PRKCE: variants seen among roughly 807,000 people sequenced by gnomAD.
PRKCE encodes the protein protein kinase C epsilon type.
A neutral mutation model predicts 85.4 loss-of-function variants in PRKCE; 16 were observed. That is an observed-to-expected ratio of 0.19 (90% CI 0.13 to 0.28). The LOEUF is 0.28. Among genes scored for constraint, PRKCE ranks in the 10% least tolerant of loss-of-function variants. The pLI is 1.00. For missense variants in PRKCE, 573 were observed against 975.2 expected, an observed-to-expected ratio of 0.59 and a Z score of 5.49; for synonymous variants, 388 against 371.5, an observed-to-expected ratio of 1.04 and a Z score of -0.51.
At chr2:46,050,496 T>G (rs1574333913) in intron 10 of PRKCE, among the ~76,000 whole-genome samples, 1 of 152,218 alleles carries the variant, frequency 6.6e-6, no homozygotes, top group Admixed American at 6.5e-5. Flanking sequence ...TCTTTTGGCT[T>G]CCTTTCCTGC....
intron 10 of PRKCE, among the ~76,000 whole-genome samples, chr2:46,031,744 G>T (rs1419975538): frequency 1.2e-4 from 19 of 152,002 alleles, no homozygotes; most frequent in Non-Finnish European, 1.3e-4. Flanking sequence ...GTCATTTCTG[G>T]AACTAAAATC....
intron 2 of PRKCE, among the ~76,000 whole-genome samples, chr2:45,911,792 T>C (rs1180083768): frequency 1.3e-5 from 2 of 152,168 alleles, no homozygotes; most frequent in Non-Finnish European, 2.9e-5. Context: ...TTATTTTACC[T>C]TCTCTAGGCT....
chr2:45,944,594 T>TA (rs1288319179), intron 2 of PRKCE, among the ~76,000 whole-genome samples: 1 of 149,616 alleles, frequency 6.7e-6, no homozygotes, highest in African/African-American at 2.5e-5. Flanking sequence ...GCTCGAATGA[T>TA]ACTCCCGCCT....
intron 9 of PRKCE, among the ~76,000 whole-genome samples, chr2:46,009,966 T>C (rs1705521052): frequency 1.3e-5 from 2 of 152,250 alleles, no homozygotes; most frequent in African/African-American, 4.8e-5. Context: ...ATTCAACAGA[T>C]GTGCATTGAA....
intron 1 of PRKCE, among the ~76,000 whole-genome samples, chr2:45,654,121 C>T (rs1265529599): frequency 6.6e-6 from 1 of 152,188 alleles, no homozygotes; most frequent in East Asian, 1.9e-4. Context: ...GAGATGGGAG[C>T]CTTTTGCAGT....
chr2:45,657,404 C>T (rs1211352395), intron 1 of PRKCE, among the ~76,000 whole-genome samples: 6 of 152,080 alleles, frequency 3.9e-5, no homozygotes, highest in African/African-American at 1.4e-4. Flanking sequence ...AATAAATATA[C>T]CTCCCTATAA....
At chr2:46,036,303 G>A (rs1399438930) in intron 10 of PRKCE, among the ~76,000 whole-genome samples, 6 of 152,218 alleles carry the variant, frequency 3.9e-5, no homozygotes, top group African/African-American at 1.4e-4. Context: ...AGGCCGGTGT[G>A]TGGTGGCTCA....
Position 45,958,814 on chromosome 2 carries a change from ATATTTTTTTTTTTTTTTTTTT to A in PRKCE, c.413-17613_413-17593del, listed in dbSNP as rs1431325156. On this transcript the variant is annotated intron_variant, in intron 2 of 14. Transcript: ENST00000306156. ...AACATATATATATATATATATATAT[ATATTTTTTTTTTTTTTTTTTT>A]TTTTTTTTTTTTTTTTTTTTAATAG... Among the ~76,000 whole-genome samples, 203 of 25,456 alleles carry A rather than the reference ATATTTTTTTTTTTTTTTTTTT, an allele frequency of 8.0e-3. 10 individuals are homozygous for A. In the East Asian group the frequency reaches 0.14, roughly 17 times the overall value. The allele number at this position is 25,456 out of a possible 152,430, so 16.7% of individuals were successfully genotyped here.
intron 1 of PRKCE, among the ~76,000 whole-genome samples, chr2:45,813,208 T>C (rs923785153): frequency 6.6e-6 from 1 of 152,170 alleles, no homozygotes; most frequent in Non-Finnish European, 1.5e-5. Context: ...GGCACTTATC[T>C]AACTGGATTC....
At chr2:45,945,750 G>T (rs1276051706) in intron 2 of PRKCE, among the ~76,000 whole-genome samples, 1 of 152,214 alleles carries the variant, frequency 6.6e-6, no homozygotes, top group Non-Finnish European at 1.5e-5. Context: ...CTCCACTGGT[G>T]GGGGGCCAGA....
chr2:45,664,717 G>A (rs1675831971), intron 1 of PRKCE, among the ~76,000 whole-genome samples: 2 of 152,202 alleles, frequency 1.3e-5, no homozygotes, highest in East Asian at 1.9e-4. Context: ...CTGTCTCATT[G>A]CTCCCTTTTG....
intron 1 of PRKCE, among the ~76,000 whole-genome samples, chr2:45,736,012 G>A (rs1682028077): frequency 6.6e-6 from 1 of 152,128 alleles, no homozygotes; most frequent in Non-Finnish European, 1.5e-5. Flanking sequence ...CCAGGCTGGA[G>A]TACAGTGGTG....
chr2:46,170,161 AT>A (rs1558525440), intron 14 of PRKCE, among the ~76,000 whole-genome samples: 1 of 152,226 alleles, frequency 6.6e-6, no homozygotes, highest in Non-Finnish European at 1.5e-5. Flanking sequence ...CACCAGCACA[AT>A]AAGTATATAG....
intron 1 of PRKCE, among the ~76,000 whole-genome samples, chr2:45,834,279 G>C (rs916097414): frequency 6.6e-6 from 1 of 152,208 alleles, no homozygotes; most frequent in Non-Finnish European, 1.5e-5. Flanking sequence ...AGCCAGTTTT[G>C]AGGGGTGTTT....
At chr2:45,917,415 G>GC (rs1697882503) in intron 2 of PRKCE, among the ~76,000 whole-genome samples, 1 of 133,434 alleles carries the variant, frequency 7.5e-6, no homozygotes, top group African/African-American at 2.8e-5. Flanking sequence ...GTTCTGCAAG[G>GC]CCCCACCAGA....
At chr2:45,664,435 A>G (rs1675818904) in intron 1 of PRKCE, among the ~76,000 whole-genome samples, 1 of 152,226 alleles carries the variant, frequency 6.6e-6, no homozygotes, top group African/African-American at 2.4e-5. Flanking sequence ...TCTGTGATTA[A>G]TGTTTATTAT....
At chr2:45,665,459 T>A (rs771769792) in intron 1 of PRKCE, among the ~76,000 whole-genome samples, 3 of 152,190 alleles carry the variant, frequency 2.0e-5, no homozygotes, top group African/African-American at 7.2e-5. Context: ...GTAGGTGAAA[T>A]GTTTGGGCAT....
chr2:45,975,354 C>T (rs1702377274), intron 2 of PRKCE, among the ~76,000 whole-genome samples: 1 of 152,136 alleles, frequency 6.6e-6, no homozygotes, highest in South Asian at 2.1e-4. Context: ...GGTGTCTTAA[C>T]CAACAGACAT....
intron 1 of PRKCE, among the ~76,000 whole-genome samples, chr2:45,805,102 T>C (rs73928807): frequency 0.049 from 7,510 of 152,212 alleles, 637 homozygotes; most frequent in African/African-American, 0.17. Context: ...AATAGCTAAG[T>C]CATAACTGTC....
Sources: allele counts gnomAD v4.1 joint callset (sites outside exome capture counted in the v4.1 genomes callset), GRCh38; gene constraint gnomAD v4.1.1; transcripts MANE v1.5; gene names NCBI Gene and HGNC (gene_info 2026-07-23, HGNC 2026-07-21).